Variants in LMNTD1 observed in about 807,000 individuals in gnomAD.
LMNTD1 encodes lamin tail domain containing 1.
A neutral mutation model predicts 50.9 loss-of-function variants in LMNTD1; 35 were observed. That is an observed-to-expected ratio of 0.69 (90% CI 0.53 to 0.91). The LOEUF (loss-of-function observed/expected upper bound fraction) is 0.91. LMNTD1 is among the 40% of genes least tolerant of loss of function. The probability of loss-of-function intolerance (pLI) is 0.00; values close to 1 mark genes in which losing one functional copy is unlikely to be tolerated. For synonymous variants in LMNTD1, 153 were observed against 161.9 expected, an observed-to-expected ratio of 0.94 and a Z score of 0.42; for missense variants, 470 against 475.5, an observed-to-expected ratio of 0.99 and a Z score of 0.11.
rs532044043 is a variant in LMNTD1, at chr12:25,562,024, G to A, written c.59-15470C>T. On this transcript the variant is annotated intron_variant, in intron 1 of 7. Coordinates refer to the LMNTD1 transcript ENST00000445693. The stretch of plus-strand genomic sequence containing the variant: ...CTCCATCCCTTTATTTTGAGCCTAT[G>A]TGTGTCTCTGCACATGAGATGGGTC... Among the ~76,000 whole-genome samples, 7 of 152,300 alleles carry A rather than the reference G, an allele frequency of 4.6e-5. No homozygotes were observed. In the South Asian group the frequency reaches 1.4e-3, roughly 32 times the overall value.
intron 1 of LMNTD1, among the ~76,000 whole-genome samples, chr12:25,632,296 A>C (rs1451182380): frequency 6.6e-6 from 1 of 152,182 alleles, no homozygotes; most frequent in Non-Finnish European, 1.5e-5. Flanking sequence ...CACAAAGAAC[A>C]CCTGGGAAAA....
chr12:25,578,071 C>T (rs1945110904), intron 1 of LMNTD1, among the ~76,000 whole-genome samples: 1 of 152,160 alleles, frequency 6.6e-6, no homozygotes, highest in South Asian at 2.1e-4. Context: ...TCCTTTCTCC[C>T]ATTTTGCAGA....
intron 8 of LMNTD1, among the ~76,000 whole-genome samples, chr12:25,508,013 G>GTT (rs528443379): frequency 6.9e-6 from 1 of 144,528 alleles, no homozygotes; most frequent in East Asian, 2.0e-4. Context: ...TCATCAACGT[G>GTT]TTTTTTTTTT....
chr12:25,488,894 G>A (rs948040583), intron 9 of LMNTD1, among the ~76,000 whole-genome samples: 48 of 152,292 alleles, frequency 3.2e-4, no homozygotes, highest in African/African-American at 1.1e-3. Flanking sequence ...GCCTTGTGAG[G>A]TGTCAGTGTG....
chr12:25,619,248 CTCTCTATATATA>C (rs1395774299), intron 1 of LMNTD1, among the ~76,000 whole-genome samples: 1,435 of 78,356 alleles, frequency 0.018, 9 homozygotes, highest in Non-Finnish European at 0.029. Context: ...CTCTCTCTCT[CTCTCTATATATA>C]TATATATATA....
chr12:25,480,619 C>T (rs1266341202), intron 9 of LMNTD1, among the ~76,000 whole-genome samples: 1 of 152,216 alleles, frequency 6.6e-6, no homozygotes, highest in South Asian at 2.1e-4. Flanking sequence ...AAAACCTAGA[C>T]CCATTCTCCC....
chr12:25,515,712 A>G (rs1419252338), intron 8 of LMNTD1, among the ~76,000 whole-genome samples: 1 of 152,118 alleles, frequency 6.6e-6, no homozygotes, highest in African/African-American at 2.4e-5. Flanking sequence ...AGTTGGAAAT[A>G]CAGTGTGTAG....
upstream of LMNTD1, among the ~76,000 whole-genome samples, chr12:25,555,752 G>A (rs1349296585): frequency 6.6e-6 from 1 of 152,078 alleles, no homozygotes; most frequent in African/African-American, 2.4e-5. Flanking sequence ...TTAAAGCTGA[G>A]TAATAGTTAC....
chr12:25,619,217 A>ACTCTCTCT lies in LMNTD1; in HGVS notation c.58+29269_58+29276dup, dbSNP rs143233739. ...CTGGGTAAGGGATACATGCTTTTCA[A>ACTCTCTCT]CTCTCTCTCTCTCTCTCTCTCTCTC... On this transcript the variant is annotated intron_variant, in intron 1 of 7. Coordinates refer to the LMNTD1 transcript ENST00000445693. Among the ~76,000 whole-genome samples, 143 of 120,050 alleles carry ACTCTCTCT rather than the reference A, an allele frequency of 1.2e-3. 2 individuals are homozygous for ACTCTCTCT. The highest frequency in any genetic ancestry group is 9.0e-3 in the East Asian group (36 of 3,998). 78.8% of individuals were successfully genotyped at this position (120,050 alleles called of 152,430 possible).
chr12:25,563,570 C>A (rs1944425135), intron 1 of LMNTD1, among the ~76,000 whole-genome samples: 2 of 152,174 alleles, frequency 1.3e-5, no homozygotes, highest in Admixed American at 1.3e-4. Context: ...GAGATGTCTC[C>A]CAGTTACGCT....
chr12:25,551,854 T>C (rs1943763315), intron 2 of LMNTD1, among the ~76,000 whole-genome samples: 1 of 152,226 alleles, frequency 6.6e-6, no homozygotes, highest in Non-Finnish European at 1.5e-5. Flanking sequence ...TAACTTTCCC[T>C]TAAGCATAAG....
intron 1 of LMNTD1, among the ~76,000 whole-genome samples, chr12:25,597,178 A>G (rs1945860379): frequency 6.6e-6 from 1 of 152,090 alleles, no homozygotes; most frequent in Non-Finnish European, 1.5e-5. Flanking sequence ...TAAAATGCAG[A>G]AGTCAGTTCT....
chr12:25,593,811 A>G (rs572648312), intron 1 of LMNTD1, among the ~76,000 whole-genome samples: 3 of 152,104 alleles, frequency 2.0e-5, no homozygotes, highest in Admixed American at 1.3e-4. Context: ...AAAAAAAAAA[A>G]AAAGAAAGAT....
chr12:25,483,321 G>A (rs1268595459), intron 9 of LMNTD1, among the ~76,000 whole-genome samples: 2 of 151,860 alleles, frequency 1.3e-5, no homozygotes, highest in African/African-American at 4.9e-5. Context: ...CTACTCGGGA[G>A]GCTGAGGAGG....
intron 1 of LMNTD1, among the ~76,000 whole-genome samples, chr12:25,612,089 G>C (rs759415482): frequency 2.0e-5 from 3 of 152,096 alleles, no homozygotes; most frequent in Non-Finnish European, 2.9e-5. Context: ...AGGTTTTTGT[G>C]TGTGTTCAGT....
chr12:25,507,139 G>C, intron 8 of LMNTD1, among the ~76,000 whole-genome samples: 1 of 152,106 alleles, frequency 6.6e-6, no homozygotes, highest in East Asian at 1.9e-4. Context: ...GCCTCCCAAA[G>C]TGCTGGGATT....
intron 1 of LMNTD1, among the ~76,000 whole-genome samples, chr12:25,626,249 G>C (rs948071686): frequency 3.3e-5 from 5 of 152,058 alleles, no homozygotes; most frequent in Non-Finnish European, 7.4e-5. Context: ...CTAGACCCAG[G>C]TGCTGGTTCC....
intron 1 of LMNTD1, among the ~76,000 whole-genome samples, chr12:25,576,271 C>T (rs113313909): frequency 0.019 from 2,930 of 152,318 alleles, 69 homozygotes; most frequent in African/African-American, 0.059. Context: ...ACCACACTGA[C>T]GTCCACAATG....
At chr12:25,520,439 C>T (rs1420515575) in intron 6 of LMNTD1, among the ~76,000 whole-genome samples, 1 of 152,054 alleles carries the variant, frequency 6.6e-6, no homozygotes, top group Admixed American at 6.6e-5. Flanking sequence ...GTATGTTTGA[C>T]CTTTTCAAAA....
Sources: gnomAD v4.1 joint callset for allele counts (sites outside exome capture counted in the v4.1 genomes callset) on GRCh38, gnomAD v4.1.1 for gene constraint, MANE v1.5 for transcripts, NCBI Gene and HGNC (gene_info 2026-07-23, HGNC 2026-07-21) for gene names.